DNM3: variants seen among roughly 807,000 people sequenced by gnomAD.
The protein encoded by DNM3 is dynamin 3.
In DNM3, 47 loss-of-function variants were observed where a neutral mutation model predicts 101.6. The observed-to-expected ratio is 0.46, with a 90% CI of 0.37 to 0.59. DNM3 has a LOEUF of 0.59. Ranked by LOEUF, DNM3 falls within the 20% of genes least tolerant of loss-of-function variation. The probability of loss-of-function intolerance (pLI) is 0.00; values close to 1 mark genes in which losing one functional copy is unlikely to be tolerated. For missense variants in DNM3, 849 were observed against 1,085.7 expected, an observed-to-expected ratio of 0.78 and a Z score of 3.06; for synonymous variants, 385 against 387.9, an observed-to-expected ratio of 0.99 and a Z score of 0.09.
chr1:171,912,788 C>G (rs2039413574), intron 1 of DNM3, among the ~76,000 whole-genome samples: 1 of 152,158 alleles, frequency 6.6e-6, no homozygotes, highest in Non-Finnish European at 1.5e-5. Context: ...GGGCACATTG[C>G]CATTCCCAGC....
At position 172,152,285 on chromosome 1, in the gene DNM3, A is replaced by G. The variant is rs1474301358; in HGVS notation, c.1659+20997A>G. ...CTTCCTTTTTTTTTTTTTTTCAGTG[A>G]TCCCAGACCCAGAAGTTTTTAGTAC... On this transcript the variant is annotated intron_variant, in intron 14 of 20. Transcript: ENST00000627582. 4.1e-5 allele frequency among the ~76,000 whole-genome samples: 6 copies of G among 144,980 alleles called. No individual in the cohort carries two copies. The Admixed American group carries it at 4.1e-4, about 10-fold the overall frequency.
chr1:172,082,280 G>A (rs1270711889), intron 12 of DNM3, among the ~76,000 whole-genome samples: 1 of 151,190 alleles, frequency 6.6e-6, no homozygotes, highest in Non-Finnish European at 1.5e-5. Flanking sequence ...GTAATTTACA[G>A]GATGAAAGAT....
At chr1:172,217,903 T>C (rs2060763641) in intron 14 of DNM3, among the ~76,000 whole-genome samples, 1 of 152,182 alleles carries the variant, frequency 6.6e-6, no homozygotes, top group African/African-American at 2.4e-5. Flanking sequence ...GGTTAACAGC[T>C]GTGTCTTTCC....
intron 16 of DNM3, among the ~76,000 whole-genome samples, chr1:172,312,816 A>G (rs1422909907): frequency 6.6e-6 from 1 of 152,256 alleles, no homozygotes; most frequent in Non-Finnish European, 1.5e-5. Context: ...GATAAGATCT[A>G]CAGTGGATAT....
rs552584865 is a variant in DNM3 at position 172,395,825 on chromosome 1, G to A, written c.2522+7016G>A. On this transcript the variant is annotated intron_variant, in intron 20 of 20. Transcript: ENST00000627582. ...TCCATCTGGCTTACCAAATGCTGTC[G>A]CCAAAAGACTGTTACACTGTTGGTG... Among the ~76,000 whole-genome samples, 528 of 152,258 alleles carry A rather than the reference G, an allele frequency of 3.5e-3. 2 individuals are homozygous for A. The highest frequency in any genetic ancestry group is 0.012 in the African/African-American group (501 of 41,546).
intron 14 of DNM3, among the ~76,000 whole-genome samples, chr1:172,248,951 T>C (rs1184338604): frequency 2.6e-5 from 4 of 152,192 alleles, no homozygotes; most frequent in African/African-American, 7.2e-5. Flanking sequence ...CCTTTGAAGA[T>C]GTTGTTGCTT....
intron 17 of DNM3, among the ~76,000 whole-genome samples, chr1:172,350,765 G>T (rs534133876): frequency 1.6e-4 from 25 of 152,198 alleles, no homozygotes; most frequent in African/African-American, 5.8e-4. Flanking sequence ...ATACATGGAG[G>T]CAGGCAGCTG....
intron 15 of DNM3, among the ~76,000 whole-genome samples, chr1:172,305,936 G>T (rs1464404739): frequency 6.6e-6 from 1 of 152,202 alleles, no homozygotes; most frequent in South Asian, 2.1e-4. Flanking sequence ...TAGTGAATGG[G>T]CAAAAACTGG....
chr1:172,254,628 T>A (rs537001339), intron 15 of DNM3, among the ~76,000 whole-genome samples: 1 of 152,254 alleles, frequency 6.6e-6, no homozygotes, highest in African/African-American at 2.4e-5. Flanking sequence ...TTCCTCTAAG[T>A]ACACTTTTCC....
At chr1:172,017,877 C>G (rs1425305751) in intron 4 of DNM3, among the ~76,000 whole-genome samples, 1 of 152,098 alleles carries the variant, frequency 6.6e-6, no homozygotes, top group Non-Finnish European at 1.5e-5. Flanking sequence ...TTTTTATGCT[C>G]TGCTGTTAGA....
chr1:172,306,815 G>A (rs1557967786), intron 15 of DNM3, among the ~76,000 whole-genome samples: 2 of 152,138 alleles, frequency 1.3e-5, no homozygotes, highest in Admixed American at 6.5e-5. Flanking sequence ...GGGAAAACTG[G>A]GTAGCCATAT....
chr1:171,933,037 A>T (rs2041151887), intron 2 of DNM3, among the ~76,000 whole-genome samples: 1 of 151,916 alleles, frequency 6.6e-6, no homozygotes, highest in Non-Finnish European at 1.5e-5. Flanking sequence ...CACACATAGC[A>T]CCTCACTTTT....
At chr1:172,340,811 T>C (rs1436650858) in intron 17 of DNM3, among the ~76,000 whole-genome samples, 1 of 152,164 alleles carries the variant, frequency 6.6e-6, no homozygotes, top group Non-Finnish European at 1.5e-5. Flanking sequence ...TCTTGCCTGA[T>C]AGCTCTGGCC....
intron 15 of DNM3, among the ~76,000 whole-genome samples, chr1:172,270,769 T>C (rs2063053157): frequency 6.6e-6 from 1 of 152,168 alleles, no homozygotes; most frequent in African/African-American, 2.4e-5. Context: ...TTTTCTCCTT[T>C]CTTTCTTTTT....
intron 16 of DNM3, among the ~76,000 whole-genome samples, chr1:172,317,295 C>A (rs2065428220): frequency 6.6e-6 from 1 of 150,760 alleles, no homozygotes; most frequent in South Asian, 2.1e-4. Flanking sequence ...AGGAAAGATC[C>A]AAAATTGACA....
At chr1:172,268,798 G>A (rs1048929517) in intron 15 of DNM3, among the ~76,000 whole-genome samples, 2 of 152,164 alleles carry the variant, frequency 1.3e-5, no homozygotes, top group Non-Finnish European at 2.9e-5. Context: ...ACTCTGAAAT[G>A]AAATAGGAGT....
chr1:172,116,229 T>G (rs2055880396), intron 13 of DNM3, among the ~76,000 whole-genome samples: 1 of 152,206 alleles, frequency 6.6e-6, no homozygotes. Flanking sequence ...TGTCATTATC[T>G]TGTTCTTGTA....
At chr1:171,987,930 C>A in intron 3 of DNM3, 125 bp downstream of exon 3, 2 of 877,692 alleles carry the variant, frequency 2.3e-6, no homozygotes, top group South Asian at 3.8e-5. Flanking sequence ...TGGATACTGC[C>A]CATTAATGTT....
At chr1:171,857,873 A>G (rs537713063) in intron 1 of DNM3, among the ~76,000 whole-genome samples, 1 of 152,258 alleles carries the variant, frequency 6.6e-6, no homozygotes, top group African/African-American at 2.4e-5. Flanking sequence ...GGCCCTGATC[A>G]AATAGGATTA....
Sources: gnomAD v4.1 joint callset for allele counts (sites outside exome capture counted in the v4.1 genomes callset) on GRCh38, gnomAD v4.1.1 for gene constraint, MANE v1.5 for transcripts, NCBI Gene and HGNC (gene_info 2026-07-23, HGNC 2026-07-21) for gene names.